Variants in SLC4A10 observed in about 807,000 individuals in gnomAD.
SLC4A10 encodes solute carrier family 4 member 10, also known as sodium-driven chloride bicarbonate exchanger.
In SLC4A10, 42 loss-of-function variants were observed where a neutral mutation model predicts 137.7. That is an observed-to-expected ratio of 0.30 (90% CI 0.24 to 0.39). The LOEUF is 0.39. Among genes scored for constraint, SLC4A10 ranks in the 10% least tolerant of loss-of-function variants. The pLI is 1.00. For synonymous variants in SLC4A10, 474 were observed against 464.1 expected (o/e 1.02, Z -0.27); for missense variants, 925 against 1,355.0 (o/e 0.68, Z 4.98).
intron 1 of SLC4A10, among the ~76,000 whole-genome samples, chr2:161,709,224 G>A (rs1006224315): frequency 4.6e-5 from 7 of 151,468 alleles, no homozygotes; most frequent in South Asian, 2.1e-4. Flanking sequence ...AGGATACATC[G>A]TAGCTAGCTG....
chr2:161,680,398 G>A (rs538060134), intron 1 of SLC4A10, among the ~76,000 whole-genome samples: 1 of 152,222 alleles, frequency 6.6e-6, no homozygotes, highest in South Asian at 2.1e-4. Flanking sequence ...CCAAAGGTGG[G>A]AATTAACATT....
intron 1 of SLC4A10, among the ~76,000 whole-genome samples, chr2:161,637,620 A>T (rs1369259422): frequency 6.6e-6 from 1 of 152,060 alleles, no homozygotes; most frequent in African/African-American, 2.4e-5. Flanking sequence ...TCTTCAACAT[A>T]TGGATTTCAT....
chr2:161,947,842 G>C (rs1159909947), intron 17 of SLC4A10, 115 bp downstream of exon 17: 36 of 1,158,530 alleles, frequency 3.1e-5, no homozygotes, highest in Non-Finnish European at 8.5e-6. Context: ...TGCCAGGTTA[G>C]TTGTGGAGTG....
At chr2:161,629,345 A>C (rs2033090929) in intron 1 of SLC4A10, among the ~76,000 whole-genome samples, 1 of 151,374 alleles carries the variant, frequency 6.6e-6, no homozygotes, top group Non-Finnish European at 1.5e-5. Flanking sequence ...TTTTTAGAAA[A>C]AGGGAATAAT....
At chr2:161,969,144 T>A (rs1239976000) in intron 23 of SLC4A10, among the ~76,000 whole-genome samples, 1 of 152,204 alleles carries the variant, frequency 6.6e-6, no homozygotes, top group African/African-American at 2.4e-5. Context: ...GTCCTTTTGA[T>A]GATAGATACA....
chr2:161,646,508 T>C (rs1178866429), intron 1 of SLC4A10, among the ~76,000 whole-genome samples: 2 of 151,998 alleles, frequency 1.3e-5, no homozygotes, highest in Admixed American at 6.6e-5. Flanking sequence ...CAGAAAATAA[T>C]AGGCTAACTT....
At chr2:161,729,430 A>G (rs1377394683) in intron 1 of SLC4A10, among the ~76,000 whole-genome samples, 2 of 152,184 alleles carry the variant, frequency 1.3e-5, no homozygotes, top group Non-Finnish European at 2.9e-5. Context: ...TTTTGAGGTG[A>G]TAGAACTAAT....
intron 2 of SLC4A10, among the ~76,000 whole-genome samples, chr2:161,774,988 G>T (rs1358739618): frequency 4.0e-5 from 6 of 151,878 alleles, no homozygotes. Context: ...GTGGAGTTAA[G>T]AACTATTGTA....
chr2:161,779,116 A>G (rs1215501462), intron 2 of SLC4A10, among the ~76,000 whole-genome samples: 1 of 151,962 alleles, frequency 6.6e-6, no homozygotes, highest in Non-Finnish European at 1.5e-5. Context: ...TCAAAGTGGA[A>G]GTGGCCATGT....
intron 15 of SLC4A10, among the ~76,000 whole-genome samples, chr2:161,941,136 AAAC>A (rs2105747624): frequency 6.6e-6 from 1 of 152,318 alleles, no homozygotes; most frequent in East Asian, 1.9e-4. Context: ...GAAGGAAAGA[AAAC>A]AACAATGTTC....
Position 161,910,855 on chromosome 2 carries a change from G to A in SLC4A10, c.1997+4968G>A, listed in dbSNP as rs1355173146. 5.3e-5 allele frequency among the ~76,000 whole-genome samples: 8 copies of A among 151,512 alleles called. No individual in the cohort carries two copies. The East Asian group carries it at 5.8e-4, about 11-fold the overall frequency. ...AGAGTATCCTCTCTCTCATCTTCTC[G>A]ACTAGATTTGAACCTCCTTTAAAGT... On this transcript the variant is annotated intron_variant, in intron 15 of 26. Coordinates refer to ENST00000446997, the MANE Select transcript of SLC4A10 (RefSeq NM_001178015.2).
chr2:161,741,700 T>C (rs998743976), intron 1 of SLC4A10, among the ~76,000 whole-genome samples: 1 of 152,196 alleles, frequency 6.6e-6, no homozygotes, highest in African/African-American at 2.4e-5. Context: ...GGGTACATAA[T>C]AGGTGTATAT....
chr2:161,872,225 T>A, intron 6 of SLC4A10, 68 bp from the exon 7 acceptor site: 1 of 1,181,584 alleles, frequency 8.5e-7, no homozygotes, highest in Non-Finnish European at 1.2e-6. Flanking sequence ...TTGAAGTGCC[T>A]ATTTCACTCA....
intron 1 of SLC4A10, among the ~76,000 whole-genome samples, chr2:161,676,357 C>CA (rs5835878): frequency 0.94 from 143,508 of 152,244 alleles, 67,670 homozygotes; most frequent in East Asian, 1. Flanking sequence ...GTTGAAATGC[C>CA]TTTAAAATAA....
chr2:161,933,798 G>T (rs1442144175), intron 15 of SLC4A10, among the ~76,000 whole-genome samples: 1 of 152,112 alleles, frequency 6.6e-6, no homozygotes, highest in Non-Finnish European at 1.5e-5. Context: ...TGGGAATGCA[G>T]ATATCTCTTC....
intron 1 of SLC4A10, among the ~76,000 whole-genome samples, chr2:161,656,081 G>T (rs1332110759): frequency 1.3e-5 from 2 of 151,930 alleles, no homozygotes; most frequent in Non-Finnish European, 2.9e-5. Flanking sequence ...CAAAGTGCTG[G>T]GATTACAGGC....
chr2:161,826,034 A>G (rs1483018033), intron 3 of SLC4A10, among the ~76,000 whole-genome samples: 2 of 152,216 alleles, frequency 1.3e-5, no homozygotes, highest in Non-Finnish European at 2.9e-5. Flanking sequence ...GAAATTACTA[A>G]TTAGAATTGA....
chr2:161,904,012 G>A lies in SLC4A10; in HGVS notation c.1451G>A (p.Gly484Glu). The change falls in exon 13 of 27, where the codon GGG (glycine) becomes GAG (glutamate). Residue 484 changes from glycine (G) to glutamate (E), a missense_variant. Gly to Glu is a moderately conservative substitution (Grantham distance 98). Coordinates refer to ENST00000446997, the MANE Select transcript of SLC4A10 (RefSeq NM_001178015.2). Reference protein sequence around the residue: ...PELQRTGRIFGGLILDIKRKA... With the variant: ...PELQRTGRIFEGLILDIKRKA... ...TTTCCCCCCTGTCTTAGGATTTTTG[G>A]GGGACTTATTTTAGATATCAAAAGA... 6.4e-7 allele frequency: 1 copy of A among 1,572,932 alleles called. No homozygotes were observed. The highest frequency in any genetic ancestry group is 8.6e-7 in the Non-Finnish European group (1 of 1,157,624).
intron 18 of SLC4A10, 28 bp downstream of exon 18, chr2:161,949,289 A>G: frequency 7.1e-7 from 1 of 1,414,112 alleles, no homozygotes; most frequent in Non-Finnish European, 1.0e-6. Context: ...CCCTCTTCCC[A>G]TCTCTCTCGG....
Sources: allele counts gnomAD v4.1 joint callset (sites outside exome capture counted in the v4.1 genomes callset), GRCh38; gene constraint gnomAD v4.1.1; transcripts MANE v1.5; gene names NCBI Gene and HGNC (gene_info 2026-07-23, HGNC 2026-07-21).